ALDH1A2: variants seen among roughly 807,000 people sequenced by gnomAD.
ALDH1A2 encodes retinal dehydrogenase 2.
Under a neutral mutation model 60.3 loss-of-function variants are expected in ALDH1A2, and 27 were observed. The observed-to-expected ratio is 0.45, with a 90% CI of 0.33 to 0.62. ALDH1A2 has a LOEUF of 0.62. Ranked by LOEUF, ALDH1A2 falls within the 20% of genes least tolerant of loss-of-function variation. The pLI, the probability that ALDH1A2 is intolerant of heterozygous loss-of-function variation, is 0.02. For missense variants in ALDH1A2, 581 were observed against 643.8 expected, an observed-to-expected ratio of 0.90 and a Z score of 1.06; for synonymous variants, 289 against 232.4, an observed-to-expected ratio of 1.24 and a Z score of -2.21.
chr15:58,018,039 G>C (rs1236611273), intron 1 of ALDH1A2, among the ~76,000 whole-genome samples: 2 of 152,094 alleles, frequency 1.3e-5, no homozygotes, highest in Non-Finnish European at 2.9e-5. Flanking sequence ...AGGCAATGTC[G>C]AAAGTTTTGA....
At chr15:57,975,979 C>T (rs1217413526) in intron 7 of ALDH1A2, among the ~76,000 whole-genome samples, 2 of 152,086 alleles carry the variant, frequency 1.3e-5, no homozygotes, top group Non-Finnish European at 2.9e-5. Flanking sequence ...TAAGTGAAAT[C>T]TATTGTATAT....
chr15:58,042,648 T>C (rs1452845227), intron 1 of ALDH1A2, among the ~76,000 whole-genome samples: 2 of 152,008 alleles, frequency 1.3e-5, no homozygotes, highest in African/African-American at 2.4e-5. Flanking sequence ...CTCATTTATA[T>C]TGTAGGCTTC....
At chr15:58,019,458 G>C (rs975594571) in intron 1 of ALDH1A2, among the ~76,000 whole-genome samples, 7 of 152,210 alleles carry the variant, frequency 4.6e-5, no homozygotes, top group Non-Finnish European at 7.3e-5. Flanking sequence ...TTACTACAGA[G>C]GTCTTTGAAA....
At chr15:57,972,721 C>T (rs915933603) in intron 7 of ALDH1A2, among the ~76,000 whole-genome samples, 20 of 152,198 alleles carry the variant, frequency 1.3e-4, no homozygotes, top group Non-Finnish European at 4.4e-5. Flanking sequence ...AAAACCTACA[C>T]AACCAAAGGT....
intron 1 of ALDH1A2, among the ~76,000 whole-genome samples, chr15:58,036,177 A>G (rs1896373046): frequency 6.6e-6 from 1 of 151,720 alleles, no homozygotes; most frequent in African/African-American, 2.4e-5. Flanking sequence ...AAATTCCTTA[A>G]AAAATCTACA....
intron 1 of ALDH1A2, among the ~76,000 whole-genome samples, chr15:58,023,658 G>GAAA (rs57467358): frequency 2.5e-4 from 32 of 129,424 alleles, no homozygotes; most frequent in Non-Finnish European, 3.4e-4. Context: ...AAAGTGCTGG[G>GAAA]AAAAAAAAAA....
chr15:57,960,872 GTTC>G lies in ALDH1A2; in HGVS notation c.1410-31_1410-29del, dbSNP rs778485212. The G allele has an allele frequency of 4.4e-6, 7 of 1,599,118 alleles. No individual in the cohort carries two copies. The East Asian group carries it at 1.6e-4, about 36-fold the overall frequency. ...GAAAGAAGAAAACATAGCACTGTGA[GTTC>G]GTGTGAAGTCTGAGCACATAATCTG... On this transcript the variant is annotated intron_variant, in intron 11 of 12. Coordinates refer to ENST00000249750, the MANE Select transcript of ALDH1A2 (RefSeq NM_003888.4).
intron 4 of ALDH1A2, among the ~76,000 whole-genome samples, chr15:57,997,099 CTGTATGAAATTAATTTAAAAT>C (rs1456790090): frequency 1.3e-5 from 2 of 151,928 alleles, no homozygotes; most frequent in East Asian, 3.9e-4. Flanking sequence ...GATTCTGCAA[CTGTATGAAATTAATTTAAAAT>C]ATCTATTACG....
chr15:57,955,558 ACT>A (rs1893493445), intron 12 of ALDH1A2, among the ~76,000 whole-genome samples: 1 of 152,162 alleles, frequency 6.6e-6, no homozygotes, highest in South Asian at 2.1e-4. Context: ...ACAGGCAATG[ACT>A]CTCAATTACT....
At chr15:57,995,540 TTAAAA>T (rs1895029168) in intron 4 of ALDH1A2, among the ~76,000 whole-genome samples, 2 of 152,102 alleles carry the variant, frequency 1.3e-5, no homozygotes, top group South Asian at 4.1e-4. Context: ...TTCTGAAGTA[TTAAAA>T]TAAACTAAGT....
At chr15:57,958,605 G>C (rs1893619113) in intron 12 of ALDH1A2, among the ~76,000 whole-genome samples, 1 of 152,178 alleles carries the variant, frequency 6.6e-6, no homozygotes, top group Admixed American at 6.5e-5. Flanking sequence ...CTTAGGGATA[G>C]ACAGGGAGGT....
intron 1 of ALDH1A2, among the ~76,000 whole-genome samples, chr15:58,032,012 C>T (rs1189335711): frequency 6.6e-6 from 1 of 152,168 alleles, no homozygotes; most frequent in Non-Finnish European, 1.5e-5. Context: ...TGGGTATATA[C>T]CCAAAGGATT....
intron 1 of ALDH1A2, among the ~76,000 whole-genome samples, chr15:58,031,166 T>A (rs1318166960): frequency 6.6e-6 from 1 of 152,072 alleles, no homozygotes; most frequent in Admixed American, 6.6e-5. Context: ...CCAGCACAGA[T>A]ACACAGACCA....
At chr15:58,014,319 G>C in intron 1 of ALDH1A2, 38 bp from the exon 2 acceptor site, 3 of 1,520,976 alleles carry the variant, frequency 2.0e-6, no homozygotes, top group East Asian at 2.3e-5. Flanking sequence ...CTGTGACACA[G>C]GTGATAAGCA....
chr15:57,987,051 T>C (rs1894727046), intron 7 of ALDH1A2, among the ~76,000 whole-genome samples: 1 of 152,106 alleles, frequency 6.6e-6, no homozygotes, highest in South Asian at 2.1e-4. Context: ...AATCATGGAA[T>C]TTCTAGAACT....
In ALDH1A2 at chr15:58,052,047, T is replaced by G. The variant is rs533600771; in HGVS notation, c.117+13487A>C. On this transcript the variant is annotated intron_variant, in intron 1 of 12. Transcript: ENST00000249750. ...GTCTCTTGGGAGTCACTGCTCTAAT[T>G]TCTAATATGGTAAGTCCTTAGCAAA... is the stretch of plus-strand genomic sequence containing the variant. Among the ~76,000 whole-genome samples, 5 of 152,240 alleles carry G rather than the reference T, an allele frequency of 3.3e-5. No individual in the cohort carries two copies. The South Asian group carries it at 1.0e-3, about 32-fold the overall frequency.
chr15:58,006,704 A>G (rs1196760007), intron 4 of ALDH1A2, among the ~76,000 whole-genome samples: 1 of 53,028 alleles, frequency 1.9e-5, no homozygotes, highest in Non-Finnish European at 5.0e-5. Flanking sequence ...TAAATTATGG[A>G]CTTTTTTTTT....
chr15:58,047,595 C>T (rs1397097294), intron 1 of ALDH1A2, among the ~76,000 whole-genome samples: 3 of 151,894 alleles, frequency 2.0e-5, no homozygotes, highest in Non-Finnish European at 4.4e-5. Context: ...GTCCTTTAAA[C>T]ATTATAATCA....
intron 1 of ALDH1A2, among the ~76,000 whole-genome samples, chr15:58,051,801 G>A (rs1595692218): frequency 6.6e-6 from 1 of 152,238 alleles, no homozygotes; most frequent in African/African-American, 2.4e-5. Flanking sequence ...CAGTGGCACT[G>A]ACCTGCAAAG....
Sources: allele counts gnomAD v4.1 joint callset (sites outside exome capture counted in the v4.1 genomes callset), GRCh38; gene constraint gnomAD v4.1.1; transcripts MANE v1.5; gene names NCBI Gene and HGNC (gene_info 2026-07-23, HGNC 2026-07-21).